The following DNAH1 variants were observed in gnomAD, a reference collection of about 807,000 sequenced individuals.
DNAH1 encodes axonemal beta dynein heavy chain 1.
Under a neutral mutation model 484.3 loss-of-function variants are expected in DNAH1, and 327 were observed. The ratio of observed to expected loss-of-function variants is 0.68; its 90% CI spans 0.62 to 0.74. The LOEUF (loss-of-function observed/expected upper bound fraction) is 0.74, where lower values mean the gene tolerates loss of function less well. DNAH1 is among the 30% of genes least tolerant of loss of function. The pLI is 0.00. For missense variants in DNAH1, 5,052 were observed against 5,546.8 expected (o/e 0.91, Z 2.83); for synonymous variants, 2,192 against 2,191.9 (o/e 1.00, Z 0.00).
In DNAH1 at chr3:52,385,429, C is replaced by T. The variant is rs1220539629; in HGVS notation, c.8607C>T (p.Leu2869=). The change falls in exon 54 of 78, where the codon CTC becomes CTT. Residue 2869 remains leucine (L), a synonymous_variant. Transcript: ENST00000420323. ...LLEEAAKDTM[L]TMEQIKVDTA... ...AGGAGGCTGCCAAGGACACCATGCT[C>T]ACCATGGAGCAGATCAAGGTTGGGG... 10 of 1,551,828 alleles carry T rather than the reference C, an allele frequency of 6.4e-6. No individual in the cohort carries two copies. Among genetic ancestry groups the T allele is most frequent in the African/African-American group, 2.7e-5 (2 of 73,058 alleles).
Position 52,392,372 on chromosome 3 carries a change from C to T in DNAH1, c.10053-92C>T, listed in dbSNP as rs924398365. On this transcript the variant is annotated intron_variant, in intron 63 of 77. Transcript: ENST00000420323. Reference sequence around the variant, plus strand: ...GCAAGGATGCTGGGCTCTTGGAGCCCCAGAAGCACAGGTGGATGGGTGACC... The same window carrying T: ...GCAAGGATGCTGGGCTCTTGGAGCCTCAGAAGCACAGGTGGATGGGTGACC... The T allele has an allele frequency of 6.6e-6, 8 of 1,207,192 alleles. No individual in the cohort carries two copies. In the African/African-American group the frequency reaches 1.1e-4, roughly 16 times the overall value. 74.8% of individuals were successfully genotyped at this position (1,207,192 alleles called of 1,614,324 possible). A position where few individuals can be genotyped will look rare whatever the true frequency, so the allele number is the denominator to read the frequency against.
intron 14 of DNAH1, 42 bp from the exon 15 acceptor site, chr3:52,349,947 G>T: frequency 6.4e-7 from 1 of 1,569,170 alleles, no homozygotes; most frequent in Non-Finnish European, 8.6e-7. Context: ...GAAGGCAAGG[G>T]AGCAGCATGC....
intron 6 of DNAH1, 87 bp from the exon 7 acceptor site, chr3:52,331,061 C>A: frequency 6.9e-7 from 1 of 1,453,588 alleles, no homozygotes; most frequent in Non-Finnish European, 9.2e-7. Flanking sequence ...TCTCTGAGAC[C>A]CATTCCCAGC....
chr3:52,313,418 G>A (rs1370998318), upstream of DNAH1, among the ~76,000 whole-genome samples: 2 of 152,194 alleles, frequency 1.3e-5, no homozygotes, highest in Non-Finnish European at 2.9e-5. Flanking sequence ...ATGGCAATGG[G>A]TCTTTGTCTC....
chr3:52,388,851 G>T lies in DNAH1; in HGVS notation c.9409G>T (p.Val3137Leu), dbSNP rs777300846. The T allele has an allele frequency of 1.9e-6, 3 of 1,613,680 alleles. No homozygotes were observed. Among genetic ancestry groups the T allele is most frequent in the African/African-American group, 1.3e-5 (1 of 74,948 alleles). ...TGAGAAGGTGCGCTGGCAGGAGACG[G>T]TGGAGAACCTGCAGTACATGCTCAA... is the stretch of plus-strand genomic sequence containing the variant. ...SDEKVRWQETVENLQYMLNNI... is the reference protein window; with the variant it reads ...SDEKVRWQETLENLQYMLNNI... The change falls in exon 59 of 78, where the codon GTG becomes TTG. Residue 3137 changes from valine (V) to leucine (L), a missense_variant. Physicochemically the swap from Val to Leu is conservative, Grantham distance 32. Coordinates refer to ENST00000420323, the MANE Select transcript of DNAH1 (RefSeq NM_015512.5).
In DNAH1 at chr3:52,396,648, CTG is replaced by C; in HGVS notation, c.11464_11465del (p.Cys3822LeufsTer11). 3 of 1,613,602 alleles carry C rather than the reference CTG, an allele frequency of 1.9e-6. No homozygotes were observed. The highest frequency in any genetic ancestry group is 2.5e-6 in the Non-Finnish European group (3 of 1,179,782). ...VMEFKSLLLS[L>X]CLFHGNALER... ...GGAGTTCAAGTCTCTGCTGCTGTCT[CTG>C]TGCTTGTTCCATGGGAACGCCCTGG... is the stretch of plus-strand genomic sequence containing the variant. On this transcript the variant is annotated frameshift_variant, in exon 72 of 78. Transcript: ENST00000420323. LOFTEE classifies it high-confidence loss of function.
rs985337422 is a variant in DNAH1 at position 52,395,875 on chromosome 3, A to G, written c.11259+197A>G. Among the ~76,000 whole-genome samples, 1 of 151,720 alleles carries G rather than the reference A, an allele frequency of 6.6e-6. No individual in the cohort carries two copies. The highest frequency in any genetic ancestry group is 2.4e-5 in the African/African-American group (1 of 41,258). ...ACCCCCACCCCCAGTTACCTGTACA[A>G]GCGGTGATGTGACTTGTCCAGGGAC... On this transcript the variant is annotated intron_variant, in intron 70 of 77. Transcript: ENST00000420323. This position sits in a 1 kb window ranked among gnomAD's most constrained non-coding sequence, Gnocchi z 4.4.
At position 52,392,905 on chromosome 3, in the gene DNAH1, C is replaced by G; in HGVS notation, c.10354C>G (p.Arg3452Gly). 1.2e-6 allele frequency: 2 copies of G among 1,612,952 alleles called. No individual in the cohort carries two copies. Among genetic ancestry groups the G allele is most frequent in the Middle Eastern group, 1.6e-4 (1 of 6,062 alleles). ...TRMEYIPVAIRTQILFFCVSD... is the reference protein window; with the variant it reads ...TRMEYIPVAIGTQILFFCVSD... ...CATGGAGTACATACCCGTGGCCATCCGCACCCAGATCCTCTTCTTCTGTGT... is the reference window on the plus strand; with the variant it reads ...CATGGAGTACATACCCGTGGCCATCGGCACCCAGATCCTCTTCTTCTGTGT... Residue 3452 changes from arginine to glycine, a missense_variant, in exon 65 of 78, where the codon CGC (arginine) becomes GGC (glycine). Transcript: ENST00000420323.
rs988757529 is a variant in DNAH1, at chr3:52,372,958, A to C, written c.6890A>C (p.Asn2297Thr). The change falls in exon 44 of 78, where the codon AAC becomes ACC. Residue 2297 changes from asparagine to threonine, a missense_variant. By Grantham distance (65) the Asn-to-Thr change is moderately conservative. Transcript: ENST00000420323. ...TTTATCTTCTTCATCGATGACCTGA[A>C]CATGCCGGCCCTGGAGACCTACGGT... is the stretch of plus-strand genomic sequence containing the variant. ...RNFIFFIDDL[N>T]MPALETYGAQ... 3.1e-6 allele frequency: 5 copies of C among 1,613,752 alleles called. No homozygotes were observed. Among genetic ancestry groups the C allele is most frequent in the Non-Finnish European group, 4.2e-6 (5 of 1,179,872 alleles).
At position 52,378,635 on chromosome 3, in the gene DNAH1, C is replaced by A; in HGVS notation, c.7232C>A (p.Pro2411His). 6.2e-7 allele frequency: 1 copy of A among 1,613,650 alleles called. No individual in the cohort carries two copies. Among genetic ancestry groups the A allele is most frequent in the Non-Finnish European group, 8.5e-7 (1 of 1,179,830 alleles). ...CCCCACATTGCCCACTTCACGGAGC[C>A]CCTTGTGGAAGCCACCATCATGGTG... ...GAPHIAHFTE[P>H]LVEATIMVYA... Residue 2411 changes from proline to histidine, a missense_variant, in exon 47 of 78, where the codon CCC (proline) becomes CAC (histidine). Around this residue, in one of 4 missense-constraint regions of DNAH1, gnomAD observed 2,929 missense variants for 3,409.4 expected, o/e 0.86. Transcript: ENST00000420323.
At chr3:52,331,104 C>T (rs1701526815) in intron 6 of DNAH1, 44 bp from the exon 7 acceptor site, 2 of 1,551,830 alleles carry the variant, frequency 1.3e-6, no homozygotes, top group South Asian at 1.2e-5. Context: ...CCCTTCCTGC[C>T]CCCATGGCGG....
rs753982908 is a variant in DNAH1 at position 52,358,020 on chromosome 3, G to A, written c.4086+17G>A. On this transcript the variant is annotated intron_variant, in intron 24 of 77. Transcript: ENST00000420323. The surrounding 1 kb of genome is among the most constrained non-coding windows in gnomAD (Gnocchi z 4.2). ...ATCGCTCGGGTGGGCAGCTGGGCCC[G>A]GGGCTCAGGGCTGGGAGCATGGGGC... is the stretch of plus-strand genomic sequence containing the variant. 3.8e-5 allele frequency: 60 copies of A among 1,580,054 alleles called. No homozygotes were observed. The highest frequency in any genetic ancestry group is 2.5e-4 in the South Asian group (22 of 87,618).
In DNAH1 at chr3:52,368,710, GT is replaced by G; in HGVS notation, c.5766-28del. ...GTGCTCGAAGCACCGCCTCCCTGAT[GT>G]TTCCAGCCCTCTCCTCCCTGGCGCT... is the stretch of plus-strand genomic sequence containing the variant. On this transcript the variant is annotated intron_variant, in intron 36 of 77. Coordinates refer to ENST00000420323, the MANE Select transcript of DNAH1 (RefSeq NM_015512.5). This position sits in a 1 kb window ranked among gnomAD's most constrained non-coding sequence, Gnocchi z 4.4. 6.3e-7 allele frequency: 1 copy of G among 1,596,936 alleles called. No individual in the cohort carries two copies. Among genetic ancestry groups the G allele is most frequent in the East Asian group, 2.2e-5 (1 of 44,454 alleles).
intron 73 of DNAH1, 130 bp from the exon 74 acceptor site, chr3:52,397,577 T>G: frequency 1.2e-6 from 1 of 844,502 alleles, no homozygotes; most frequent in Non-Finnish European, 1.8e-6. Context: ...AGCAGGGACA[T>G]GCATAAGGGT....
Position 52,393,037 on chromosome 3 carries a change from A to G in DNAH1, c.10474+12A>G. ...CTCAGAGAGAGCAGGTAGCACCGGC[A>G]TGCCAGGCTCCTACCCTGCACAGAT... On this transcript the variant is annotated intron_variant, in intron 65 of 77. Coordinates refer to ENST00000420323, the MANE Select transcript of DNAH1 (RefSeq NM_015512.5). 1 of 1,611,932 alleles carries G rather than the reference A, an allele frequency of 6.2e-7. No homozygotes were observed. Among genetic ancestry groups the G allele is most frequent in the Non-Finnish European group, 8.5e-7 (1 of 1,178,488 alleles).
rs372295233 is a variant in DNAH1 at position 52,378,768 on chromosome 3, G to A, written c.7365G>A (p.Pro2455=). Residue 2455 remains proline (P), a synonymous_variant, in exon 47 of 78, where the codon CCG becomes CCA. Coordinates refer to ENST00000420323, the MANE Select transcript of DNAH1 (RefSeq NM_015512.5). ...KVFQGMLMAD[P]AKVEDQVQLL... is the part of the protein sequence containing the mutation. ...TCCAAGGCATGCTCATGGCTGACCC[G>A]GCCAAGGTCGAGGTGAGGACCAGGC... 9 of 1,613,564 alleles carry A rather than the reference G, an allele frequency of 5.6e-6. No individual in the cohort carries two copies. Among genetic ancestry groups the A allele is most frequent in the South Asian group, 1.1e-5 (1 of 91,078 alleles).
At position 52,358,232 on chromosome 3, in the gene DNAH1, C is replaced by T. The variant is rs941253315; in HGVS notation, c.4086+229C>T. On this transcript the variant is annotated intron_variant, in intron 24 of 77. Transcript: ENST00000420323. This position sits in a 1 kb window ranked among gnomAD's most constrained non-coding sequence, Gnocchi z 4.2. ...CCAGGCGCTCCCTGTGCCCCCAGCA[C>T]ACTGCAAAACCCATGAGGCCAGAAG... Among the ~76,000 whole-genome samples the T allele has an allele frequency of 1.3e-5, 2 of 152,250 alleles. No individual in the cohort carries two copies. Among genetic ancestry groups the T allele is most frequent in the African/African-American group, 4.8e-5 (2 of 41,476 alleles).
chr3:52,332,088 T>G (rs953450034), intron 7 of DNAH1, 54 bp from the exon 8 acceptor site: 203 of 1,525,620 alleles, frequency 1.3e-4, no homozygotes, highest in Non-Finnish European at 1.7e-4. Context: ...ACCTAGTGTT[T>G]CAGCCCAGAA....
rs374690278 is a variant in DNAH1, at chr3:52,352,543, G to C, written c.2872-9G>C. ...AGGGGCATCTGACCCATTGCTCCTT[G>C]GCCTGCAGCTGGTAGTAGCTGGCTT... On this transcript the variant is annotated splice_polypyrimidine_tract_variant and intron_variant, in intron 17 of 77. Transcript: ENST00000420323. 4 of 1,605,682 alleles carry C rather than the reference G, an allele frequency of 2.5e-6. No homozygotes were observed. Among genetic ancestry groups the C allele is most frequent in the Non-Finnish European group, 3.4e-6 (4 of 1,173,734 alleles).
Sources: allele counts gnomAD v4.1 joint callset (sites outside exome capture counted in the v4.1 genomes callset), GRCh38; gene constraint gnomAD v4.1.1; regional missense constraint gnomAD v4.1.1; non-coding constraint Gnocchi (gnomAD v3.1); transcripts MANE v1.5; gene names NCBI Gene and HGNC (gene_info 2026-07-23, HGNC 2026-07-21).